Variants in NELL1 observed in about 807,000 individuals in gnomAD.
NELL1 encodes neural EGFL like 1, also known as protein kinase C-binding protein NELL1.
NELL1 carries 76 observed loss-of-function variants against 107.4 expected under a neutral mutation model. The ratio of observed to expected loss-of-function variants is 0.71; its 90% CI spans 0.59 to 0.86. The LOEUF (loss-of-function observed/expected upper bound fraction) is 0.86, where lower values mean the gene tolerates loss of function less well. NELL1 is among the 40% of genes least tolerant of loss of function. NELL1 has a pLI of 0.00. For missense variants in NELL1, 1,024 were observed against 1,005.5 expected (o/e 1.02, Z -0.25); for synonymous variants, 353 against 341.2 (o/e 1.03, Z -0.38).
chr11:21,517,028 G>T (rs1057238472), intron 15 of NELL1, among the ~76,000 whole-genome samples: 1 of 152,068 alleles, frequency 6.6e-6, no homozygotes, highest in Non-Finnish European at 1.5e-5. Flanking sequence ...GACCTCAAGT[G>T]ATCCACCTGC....
Position 20,958,568 on chromosome 11 carries a change from A to G in NELL1, c.1172-1864A>G, listed in dbSNP as rs543610987. On this transcript the variant is annotated intron_variant, in intron 11 of 19. Coordinates refer to ENST00000357134, the MANE Select transcript of NELL1 (RefSeq NM_006157.5). Reference sequence around the variant, plus strand: ...CAGAAAACATGGAATGACATTTTTAAAATGTTGAGATAAAATAACCGTATA... The same window carrying G: ...CAGAAAACATGGAATGACATTTTTAGAATGTTGAGATAAAATAACCGTATA... Among the ~76,000 whole-genome samples, 98 of 152,340 alleles carry G rather than the reference A, an allele frequency of 6.4e-4. 1 individual carries two copies. The highest frequency in any genetic ancestry group is 3.4e-3 in the Middle Eastern group (1 of 294).
At chr11:21,283,787 T>C (rs1276230839) in intron 14 of NELL1, 2 of 189,818 alleles carry the variant, frequency 1.1e-5, no homozygotes, top group East Asian at 1.3e-4. Flanking sequence ...GATTTTGGTA[T>C]TGAAGATGCT....
chr11:20,939,575 T>C (rs1452025789), intron 10 of NELL1, among the ~76,000 whole-genome samples: 1 of 152,128 alleles, frequency 6.6e-6, no homozygotes, highest in Non-Finnish European at 1.5e-5. Context: ...CAAGCTCTGA[T>C]TGTTCAGGAT....
At chr11:21,398,066 A>C (rs1419816157) in intron 15 of NELL1, among the ~76,000 whole-genome samples, 2 of 151,352 alleles carry the variant, frequency 1.3e-5, no homozygotes, top group Non-Finnish European at 3.0e-5. Flanking sequence ...ATATAAATTT[A>C]AAATATGTAT....
chr11:20,852,528 C>A (rs941053820), intron 4 of NELL1, among the ~76,000 whole-genome samples: 7 of 152,142 alleles, frequency 4.6e-5, no homozygotes, highest in Admixed American at 2.0e-4. Context: ...AACTACTTAC[C>A]AACATATTAT....
At chr11:21,198,622 T>C (rs1857203271) in intron 13 of NELL1, among the ~76,000 whole-genome samples, 1 of 152,234 alleles carries the variant, frequency 6.6e-6, no homozygotes, top group Non-Finnish European at 1.5e-5. Context: ...ACATTTTGTT[T>C]ATAAACGGGG....
chr11:21,227,326 C>G (rs1052412204), intron 13 of NELL1, among the ~76,000 whole-genome samples: 14 of 151,892 alleles, frequency 9.2e-5, no homozygotes, highest in African/African-American at 3.4e-4. Context: ...AGTAGAGCAC[C>G]CTTTCATTCT....
At chr11:20,976,444 G>A (rs1590488225) in intron 12 of NELL1, among the ~76,000 whole-genome samples, 1 of 152,086 alleles carries the variant, frequency 6.6e-6, no homozygotes, top group East Asian at 1.9e-4. Context: ...AGTATTGAAT[G>A]CCTCTTGTTG....
chr11:21,543,998 G>A (rs1856365089), intron 16 of NELL1, among the ~76,000 whole-genome samples: 1 of 151,940 alleles, frequency 6.6e-6, no homozygotes, highest in Non-Finnish European at 1.5e-5. Context: ...TTATGAACCT[G>A]TCTATTATCT....
chr11:21,528,711 C>G (rs1400831836), intron 15 of NELL1, among the ~76,000 whole-genome samples: 1 of 151,988 alleles, frequency 6.6e-6, no homozygotes, highest in Non-Finnish European at 1.5e-5. Context: ...CATTTAAAAG[C>G]CAAAGAAAGT....
intron 2 of NELL1, among the ~76,000 whole-genome samples, chr11:20,781,225 A>C (rs1856843847): frequency 6.6e-6 from 1 of 152,246 alleles, no homozygotes; most frequent in Admixed American, 6.5e-5. Context: ...AGTGGAGAAA[A>C]GGGAAAAATC....
intron 15 of NELL1, among the ~76,000 whole-genome samples, chr11:21,455,312 CTTTTATTCT>C (rs1853698790): frequency 1.1e-5 from 1 of 93,426 alleles, no homozygotes; most frequent in African/African-American, 4.0e-5. Flanking sequence ...TTTTTTTTTT[CTTTTATTCT>C]TTTTTTTTTT....
chr11:21,189,022 AT>A (rs954695689), intron 13 of NELL1, among the ~76,000 whole-genome samples: 3 of 151,968 alleles, frequency 2.0e-5, no homozygotes, highest in African/African-American at 7.3e-5. Context: ...TTTAAAACCA[AT>A]TTGTATAGTA....
chr11:20,979,148 G>A (rs1423699685), intron 12 of NELL1, among the ~76,000 whole-genome samples: 1 of 152,190 alleles, frequency 6.6e-6, no homozygotes, highest in Non-Finnish European at 1.5e-5. Flanking sequence ...TTTAGCTGCT[G>A]TGAGGAAGAA....
At chr11:21,071,147 G>A (rs1854004207) in intron 12 of NELL1, among the ~76,000 whole-genome samples, 1 of 152,016 alleles carries the variant, frequency 6.6e-6, no homozygotes, top group Non-Finnish European at 1.5e-5. Flanking sequence ...TGTAATCTTG[G>A]GCAAATTTGG....
chr11:21,068,771 T>C (rs1853941465), intron 12 of NELL1, among the ~76,000 whole-genome samples: 1 of 152,164 alleles, frequency 6.6e-6, no homozygotes, highest in Non-Finnish European at 1.5e-5. Context: ...GTGCATTGAA[T>C]AAATACTTGG....
At chr11:21,528,866 A>G (rs941174725) in intron 15 of NELL1, among the ~76,000 whole-genome samples, 1 of 150,300 alleles carries the variant, frequency 6.7e-6, no homozygotes, top group Non-Finnish European at 1.5e-5. Context: ...AACTTCTTCC[A>G]CTCCTTTAGC....
chr11:21,196,605 G>A (rs1857158865), intron 13 of NELL1, among the ~76,000 whole-genome samples: 1 of 151,946 alleles, frequency 6.6e-6, no homozygotes, highest in Admixed American at 6.6e-5. Context: ...ATCTATTTTA[G>A]TAACCTCATC....
chr11:21,446,970 T>C (rs1853447585), intron 15 of NELL1, among the ~76,000 whole-genome samples: 1 of 152,230 alleles, frequency 6.6e-6, no homozygotes, highest in Non-Finnish European at 1.5e-5. Flanking sequence ...GCGTTTAAGC[T>C]GACCCTGAAA....
Sources: allele counts gnomAD v4.1 joint callset (sites outside exome capture counted in the v4.1 genomes callset), GRCh38; gene constraint gnomAD v4.1.1; transcripts MANE v1.5; gene names NCBI Gene and HGNC (gene_info 2026-07-23, HGNC 2026-07-21).